Variants in POLI observed in about 807,000 individuals in gnomAD.
The protein encoded by POLI is RAD30 homolog B.
In POLI, 58 loss-of-function variants were observed where a neutral mutation model predicts 51.6. That is an observed-to-expected ratio of 1.12 (90% CI 0.91 to 1.40). The LOEUF (loss-of-function observed/expected upper bound fraction) is 1.40. Ranked by LOEUF, POLI falls within the 40% of genes most tolerant of loss-of-function variation. The pLI, the probability that POLI is intolerant of heterozygous loss-of-function variation, is 0.00. For missense variants in POLI, 921 were observed against 871.3 expected, an observed-to-expected ratio of 1.06 and a Z score of -0.72; for synonymous variants, 322 against 299.7, an observed-to-expected ratio of 1.07 and a Z score of -0.77.
In POLI at chr18:54,294,925, C is replaced by G; in HGVS notation, c.*458C>G. The G allele has an allele frequency of 1.0e-6, 1 of 978,514 alleles. No individual in the cohort carries two copies. Among genetic ancestry groups the G allele is most frequent in the Non-Finnish European group, 1.2e-6 (1 of 824,232 alleles). 60.6% of individuals were successfully genotyped at this position (978,514 alleles called of 1,614,324 possible). A position where few individuals can be genotyped will look rare whatever the true frequency, so the allele number is the denominator to read the frequency against. Reference sequence around the variant, plus strand: ...CTATTAAAAATATAGATAGTTTTGACTAAAGTACTACATTACATTTAGTAT... The same window carrying G: ...CTATTAAAAATATAGATAGTTTTGAGTAAAGTACTACATTACATTTAGTAT... On this transcript the variant is annotated 3_prime_UTR_variant, in exon 10 of 10. Coordinates refer to ENST00000579534, the MANE Select transcript of POLI (RefSeq NM_007195.3).
At chr18:54,314,121 C>T (rs556823686) in intron 3 of POLI, among the ~76,000 whole-genome samples, 8 of 151,964 alleles carry the variant, frequency 5.3e-5, no homozygotes, top group Non-Finnish European at 1.0e-4. Context: ...GACATATGTT[C>T]CTTTGATGCC....
chr18:54,310,139 G>A (rs574654573), intron 3 of POLI, among the ~76,000 whole-genome samples: 128 of 152,306 alleles, frequency 8.4e-4, no homozygotes, highest in African/African-American at 3.0e-3. Flanking sequence ...TACCTCAGTT[G>A]GAAATGCGGA....
intron 9 of POLI, 113 bp downstream of exon 9, chr18:54,292,151 G>T (rs1394319542): frequency 1.3e-5 from 9 of 671,908 alleles, no homozygotes; most frequent in Non-Finnish European, 2.3e-5. Context: ...ATTCTTTTGG[G>T]TGATATTGTT....
chr18:54,298,834 G>T (rs557912648), downstream of POLI, among the ~76,000 whole-genome samples: 1 of 151,772 alleles, frequency 6.6e-6, no homozygotes, highest in African/African-American at 2.4e-5. Context: ...TGATCTGCCC[G>T]CCTCAGCCTC....
chr18:54,269,753 C>T, intron 1 of POLI, 92 bp downstream of exon 1: 1 of 1,400,856 alleles, frequency 7.1e-7, no homozygotes, highest in Non-Finnish European at 9.2e-7. Context: ...CACTGGGGCG[C>T]GACCGTCCCC....
rs770728932 is a variant in POLI, at chr18:54,280,719, T to G, written c.612T>G (p.Ile204Met). 3.7e-6 allele frequency: 6 copies of G among 1,613,708 alleles called. No homozygotes were observed. In the Admixed American group the frequency reaches 1.0e-4, roughly 27 times the overall value. Reference sequence around the variant, plus strand: ...TCAGACTACTTGTTGGATCTCAGATTGCAGCAGAGATGCGGGAAGCCATGT... The same window carrying G: ...TCAGACTACTTGTTGGATCTCAGATGGCAGCAGAGATGCGGGAAGCCATGT... ...LHIRLLVGSQ[I>M]AAEMREAMYN... The change falls in exon 5 of 10, where the codon ATT (isoleucine) becomes ATG (methionine). Residue 204 changes from isoleucine to methionine, a missense_variant. Ile to Met is a conservative substitution (Grantham distance 10, BLOSUM62 1). Transcript: ENST00000579534.
chr18:54,303,105 T>G (rs762684459), downstream of POLI, among the ~76,000 whole-genome samples: 1 of 152,198 alleles, frequency 6.6e-6, no homozygotes, highest in Non-Finnish European at 1.5e-5. Flanking sequence ...TGATATATAG[T>G]CTTGCATTTA....
chr18:54,269,987 TTTAACTTTGGAGAAGTTGAG>T (rs1230668804), intron 1 of POLI: 5 of 1,088,336 alleles, frequency 4.6e-6, no homozygotes, highest in Non-Finnish European at 5.6e-6. Flanking sequence ...TTCTGGGCCT[TTTAACTTTGGAGAAGTTGAG>T]GACCTTGTCG....
At chr18:54,304,801 A>G (rs1365859019) in intron 3 of POLI, among the ~76,000 whole-genome samples, 1 of 152,126 alleles carries the variant, frequency 6.6e-6, no homozygotes, top group East Asian at 1.9e-4. Context: ...TTTTGTTGCC[A>G]TTGCTTTTGG....
rs758383098 is a variant in POLI at position 54,293,906 on chromosome 18, G to A, written c.1662G>A (p.Gly554=). Residue 554 remains glycine (G), a synonymous_variant, in exon 10 of 10, where the codon GGG becomes GGA. Transcript: ENST00000579534. Reference sequence around the variant, plus strand: ...GAAAATCTAGGGAAAAATTTCAAGGGAAAGGAAGTGTGAGTTGTCCATTAC... The same window carrying A: ...GAAAATCTAGGGAAAAATTTCAAGGAAAAGGAAGTGTGAGTTGTCCATTAC... The part of the protein sequence containing the change: ...LSGKSREKFQ[G]KGSVSCPLHA... 1 of 1,613,168 alleles carries A rather than the reference G, an allele frequency of 6.2e-7. No individual in the cohort carries two copies. Among genetic ancestry groups the A allele is most frequent in the Non-Finnish European group, 8.5e-7 (1 of 1,179,426 alleles).
chr18:54,316,371 C>T (rs1039866528), intron 3 of POLI, among the ~76,000 whole-genome samples: 3 of 152,092 alleles, frequency 2.0e-5, no homozygotes, highest in Non-Finnish European at 4.4e-5. Context: ...CTTGTGATTT[C>T]ATCAGAGTCT....
rs2088245391 is a variant in POLI, at chr18:54,295,010, A to C, written c.*543A>C. The stretch of plus-strand genomic sequence containing the variant: ...AATTAATGCTTCTTCATACACCAAG[A>C]ATCTACCACAATACACAGCACACAA... On this transcript the variant is annotated 3_prime_UTR_variant, in exon 10 of 10. Coordinates refer to ENST00000579534, the MANE Select transcript of POLI (RefSeq NM_007195.3). 1 of 985,192 alleles carries C rather than the reference A, an allele frequency of 1.0e-6. No individual in the cohort carries two copies. The allele number at this position is 985,192 out of a possible 1,614,324, so 61.0% of individuals were successfully genotyped here.
chr18:54,312,544 C>T (rs1416801416), intron 3 of POLI, among the ~76,000 whole-genome samples: 1 of 152,180 alleles, frequency 6.6e-6, no homozygotes, highest in African/African-American at 2.4e-5. Context: ...CTGCTTTCCA[C>T]AGTGGCTGAA....
rs772081422 is a variant in POLI at position 54,283,982 on chromosome 18, A to T, written c.1036A>T (p.Ile346Phe). The stretch of plus-strand genomic sequence containing the variant: ...ATCTGAAGTTGAAGCTAAAAATAAG[A>T]TTGAAGAACTACTTGCTAGTCTTTT... ...CSSEVEAKNK[I>F]EELLASLLNR... Residue 346 changes from isoleucine (I) to phenylalanine (F), a missense_variant, in exon 7 of 10, where the codon ATT becomes TTT. Coordinates refer to ENST00000579534, the MANE Select transcript of POLI (RefSeq NM_007195.3). The T allele has an allele frequency of 2.1e-5, 31 of 1,480,422 alleles. No homozygotes were observed. The highest frequency in any genetic ancestry group is 5.4e-5 in the Admixed American group (3 of 55,674). The allele number at this position is 1,480,422 out of a possible 1,614,324, so 91.7% of individuals were successfully genotyped here.
downstream of POLI, among the ~76,000 whole-genome samples, chr18:54,302,061 A>C (rs1267613724): frequency 6.6e-6 from 1 of 152,162 alleles, no homozygotes; most frequent in South Asian, 2.1e-4. Context: ...CTTGGGTAGG[A>C]CTTGTCAGCT....
In POLI at chr18:54,292,134, T is replaced by A. The variant is rs1295997828; in HGVS notation, c.1404+96T>A. ...CTAAGTGCTTGTCTTTTTGATATAGTTTAGAGATTCTTTTGGGTGATATTG... is the reference window on the plus strand; with the variant it reads ...CTAAGTGCTTGTCTTTTTGATATAGATTAGAGATTCTTTTGGGTGATATTG... On this transcript the variant is annotated intron_variant, in intron 9 of 9. Transcript: ENST00000579534. 4 of 748,962 alleles carry A rather than the reference T, an allele frequency of 5.3e-6. No homozygotes were observed. The Admixed American group carries it at 1.0e-4, about 19-fold the overall frequency. 46.4% of individuals were successfully genotyped at this position (748,962 alleles called of 1,614,324 possible).
chr18:54,318,711 T>G (rs2088762802), intron 3 of POLI, among the ~76,000 whole-genome samples: 3 of 152,200 alleles, frequency 2.0e-5, no homozygotes, highest in Non-Finnish European at 2.9e-5. Flanking sequence ...AACAACCAAT[T>G]TCAAACCTTC....
chr18:54,271,527 G>A lies in POLI; in HGVS notation c.241+42G>A, dbSNP rs771626692. The A allele has an allele frequency of 2.3e-5, 31 of 1,323,944 alleles. 2 individuals are homozygous for A. The South Asian group carries it at 3.8e-4, about 16-fold the overall frequency. The allele number at this position is 1,323,944 out of a possible 1,614,324, so 82.0% of individuals were successfully genotyped here. ...AATATTTTTAATTGCATAATGATTA[G>A]ATTAGCAACTCATCATGCTCATTAT... On this transcript the variant is annotated intron_variant, in intron 2 of 9. Transcript: ENST00000579534.
intron 3 of POLI, among the ~76,000 whole-genome samples, chr18:54,312,402 G>T (rs747646644): frequency 4.6e-5 from 7 of 152,058 alleles, no homozygotes; most frequent in Non-Finnish European, 1.0e-4. Flanking sequence ...CTTTGCTCTT[G>T]TGAATAGCGC....
Sources: allele counts gnomAD v4.1 joint callset (sites outside exome capture counted in the v4.1 genomes callset), GRCh38; gene constraint gnomAD v4.1.1; transcripts MANE v1.5; gene names NCBI Gene and HGNC (gene_info 2026-07-23, HGNC 2026-07-21).